GULP1: variants seen among roughly 807,000 people sequenced by gnomAD.
The protein encoded by GULP1 is GULP PTB domain containing engulfment adaptor 1.
A neutral mutation model predicts 40.9 loss-of-function variants in GULP1; 19 were observed. That is an observed-to-expected ratio of 0.46 (90% CI 0.32 to 0.68). GULP1 has a LOEUF of 0.68. Ranked by LOEUF, GULP1 falls within the 30% of genes least tolerant of loss-of-function variation. GULP1 has a pLI of 0.03. For missense variants in GULP1, 312 were observed against 362.2 expected (o/e 0.86, Z 1.12); for synonymous variants, 119 against 117.6 (o/e 1.01, Z -0.08).
intron 1 of GULP1, among the ~76,000 whole-genome samples, chr2:188,294,745 C>G (rs747777048): frequency 5.9e-5 from 9 of 152,096 alleles, no homozygotes; most frequent in Non-Finnish European, 1.3e-4. Context: ...TTTCCACTTG[C>G]AAAGTAAAGA....
chr2:188,555,218 T>G (rs1333832671), intron 7 of GULP1, among the ~76,000 whole-genome samples: 2 of 152,180 alleles, frequency 1.3e-5, no homozygotes. Flanking sequence ...ATGACTTTCT[T>G]CTGTTATTGT....
chr2:188,511,213 G>T (rs967099962), intron 4 of GULP1, among the ~76,000 whole-genome samples: 1 of 152,022 alleles, frequency 6.6e-6, no homozygotes, highest in Non-Finnish European at 1.5e-5. Flanking sequence ...TTTTTAAACC[G>T]CTCTCACAAT....
chr2:188,407,616 G>A (rs998834419), intron 2 of GULP1, among the ~76,000 whole-genome samples: 4 of 151,994 alleles, frequency 2.6e-5, no homozygotes, highest in Non-Finnish European at 5.9e-5. Context: ...AAGCCTGCTG[G>A]CAACCACAAA....
intron 2 of GULP1, among the ~76,000 whole-genome samples, chr2:188,430,882 T>A (rs1297362442): frequency 6.6e-6 from 1 of 152,206 alleles, no homozygotes; most frequent in Non-Finnish European, 1.5e-5. Context: ...AAGAAGGAAG[T>A]GCTTACTCAA....
rs142558848 is a variant in GULP1, at chr2:188,417,517, A to G, written c.-45+33628A>G. On this transcript the variant is annotated intron_variant, in intron 2 of 11. Transcript: ENST00000409830. ...AAAAACAGGAAAAAAATATATCACTATAGAATGTCTAGAAAAGTGGTTTAT... is the reference window on the plus strand; with the variant it reads ...AAAAACAGGAAAAAAATATATCACTGTAGAATGTCTAGAAAAGTGGTTTAT... 9.7e-4 allele frequency among the ~76,000 whole-genome samples: 148 copies of G among 152,372 alleles called. 2 individuals are homozygous for G. In the East Asian group the frequency reaches 0.024, roughly 25 times the overall value.
At chr2:188,453,958 T>C (rs1284398393) in intron 2 of GULP1, among the ~76,000 whole-genome samples, 1 of 152,212 alleles carries the variant, frequency 6.6e-6, no homozygotes. Flanking sequence ...AGCCTGGACC[T>C]GGTCACTCCA....
At chr2:188,312,275 C>A (rs2038296785) in intron 1 of GULP1, among the ~76,000 whole-genome samples, 1 of 151,970 alleles carries the variant, frequency 6.6e-6, no homozygotes, top group Non-Finnish European at 1.5e-5. Context: ...GTTTGCTGCA[C>A]CTATTGACCT....
intron 2 of GULP1, among the ~76,000 whole-genome samples, chr2:188,412,096 C>A (rs983437492): frequency 1.3e-5 from 2 of 152,100 alleles, no homozygotes; most frequent in African/African-American, 4.8e-5. Flanking sequence ...GCCTTCAGAC[C>A]TGCTTAAGTT....
At chr2:188,541,396 GTAT>G in intron 7 of GULP1, 78 bp downstream of exon 7, 1 of 1,177,116 alleles carries the variant, frequency 8.5e-7, no homozygotes, top group Non-Finnish European at 1.3e-6. Flanking sequence ...CATTGGCAAA[GTAT>G]TTGAAAATGA....
At chr2:188,394,988 T>C (rs2051033310) in intron 2 of GULP1, among the ~76,000 whole-genome samples, 1 of 152,238 alleles carries the variant, frequency 6.6e-6, no homozygotes, top group African/African-American at 2.4e-5. Context: ...CACAGTATTT[T>C]ATTTACTGTG....
Position 188,306,552 on chromosome 2 carries a change from T to A in GULP1, c.-172+14386T>A, listed in dbSNP as rs2037132246. 2.0e-5 allele frequency among the ~76,000 whole-genome samples: 3 copies of A among 151,852 alleles called. No individual in the cohort carries two copies. The South Asian group carries it at 6.2e-4, about 32-fold the overall frequency. On this transcript the variant is annotated intron_variant, in intron 1 of 11. Transcript: ENST00000409830. Reference sequence around the variant, plus strand: ...GAAAGCAATGAGAGTGTGCAGAGAGTGGTTCAAATGTGTAAGCAGGAGGAG... The same window carrying A: ...GAAAGCAATGAGAGTGTGCAGAGAGAGGTTCAAATGTGTAAGCAGGAGGAG...
chr2:188,345,381 T>C (rs1440302331), intron 1 of GULP1, among the ~76,000 whole-genome samples: 2 of 152,216 alleles, frequency 1.3e-5, no homozygotes, highest in Non-Finnish European at 2.9e-5. Context: ...AGGTACCCTG[T>C]TGCATTTCAC....
In GULP1 at chr2:188,442,503, G is replaced by A. The variant is rs548158850; in HGVS notation, c.-44-35156G>A. Among the ~76,000 whole-genome samples the A allele has an allele frequency of 9.8e-5, 15 of 152,312 alleles. No individual in the cohort carries two copies. In the South Asian group the frequency reaches 2.9e-3, roughly 29 times the overall value. On this transcript the variant is annotated intron_variant, in intron 2 of 11. Transcript: ENST00000409830. ...AAAATAAAACAAAAACACTTTCTAA[G>A]CCACTTTTGAAAAATATGTAAATTA... is the stretch of plus-strand genomic sequence containing the variant.
intron 1 of GULP1, among the ~76,000 whole-genome samples, chr2:188,333,629 A>G (rs1281667445): frequency 6.6e-6 from 1 of 152,164 alleles, no homozygotes; most frequent in Non-Finnish European, 1.5e-5. Flanking sequence ...AGGAGAGTTC[A>G]TTTTGTACTC....
chr2:188,385,504 GA>G (rs1436456938), intron 2 of GULP1, among the ~76,000 whole-genome samples: 4 of 152,162 alleles, frequency 2.6e-5, no homozygotes, highest in Non-Finnish European at 4.4e-5. Flanking sequence ...TTATCTTGAT[GA>G]TTAACATTTG....
At chr2:188,383,052 CT>C (rs973067140) in intron 1 of GULP1, among the ~76,000 whole-genome samples, 12 of 152,240 alleles carry the variant, frequency 7.9e-5, no homozygotes, top group African/African-American at 2.9e-4. Flanking sequence ...ATTCTTCCCC[CT>C]CCCTCAAAAA....
At chr2:188,544,034 C>T (rs960062906) in intron 7 of GULP1, among the ~76,000 whole-genome samples, 1 of 152,078 alleles carries the variant, frequency 6.6e-6, no homozygotes, top group Non-Finnish European at 1.5e-5. Flanking sequence ...TGAATGACAA[C>T]ATTTAACCCT....
intron 2 of GULP1, among the ~76,000 whole-genome samples, chr2:188,462,912 G>T (rs1376574285): frequency 6.6e-6 from 1 of 152,020 alleles, no homozygotes; most frequent in Non-Finnish European, 1.5e-5. Flanking sequence ...AAGACTTGAT[G>T]CCATAACTTC....
At chr2:188,433,184 C>T (rs534934695) in intron 2 of GULP1, among the ~76,000 whole-genome samples, 6 of 152,186 alleles carry the variant, frequency 3.9e-5, no homozygotes, top group East Asian at 3.9e-4. Context: ...TTCCCATTTA[C>T]GCAAATACTT....
Sources: allele counts gnomAD v4.1 joint callset (sites outside exome capture counted in the v4.1 genomes callset), GRCh38; gene constraint gnomAD v4.1.1; transcripts MANE v1.5; gene names NCBI Gene and HGNC (gene_info 2026-07-23, HGNC 2026-07-21).